NEK11: variants seen among roughly 807,000 people sequenced by gnomAD.
The protein encoded by NEK11 is NIMA related kinase 11.
In NEK11, 72 loss-of-function variants were observed where a neutral mutation model predicts 80.7. The ratio of observed to expected loss-of-function variants is 0.89; its 90% confidence interval spans 0.74 to 1.08. The LOEUF is 1.08. NEK11 is among the 50% of genes least tolerant of loss of function. The pLI, the probability that NEK11 is intolerant of heterozygous loss-of-function variation, is 0.00. For synonymous variants in NEK11, 251 were observed against 260.7 expected, an observed-to-expected ratio of 0.96 and a Z score of 0.36; for missense variants, 764 against 763.6, an observed-to-expected ratio of 1.00 and a Z score of -0.01.
chr3:131,169,824 T>G (rs1462291856), intron 13 of NEK11, among the ~76,000 whole-genome samples: 1 of 152,218 alleles, frequency 6.6e-6, no homozygotes. Flanking sequence ...TACATACTTA[T>G]TTTCAAATAA....
At chr3:131,075,409 CT>C (rs1001310645) in intron 3 of NEK11, among the ~76,000 whole-genome samples, 14 of 152,004 alleles carry the variant, frequency 9.2e-5, no homozygotes, top group African/African-American at 3.1e-4. Flanking sequence ...AACCTCTACT[CT>C]TTTTTTTCCC....
chr3:131,333,327 A>G (rs1267743862), intron 17 of NEK11, among the ~76,000 whole-genome samples: 1 of 152,212 alleles, frequency 6.6e-6, no homozygotes, highest in Admixed American at 6.5e-5. Context: ...ATTCTTAAAG[A>G]AAAGAATTTT....
At chr3:131,174,683 T>A (rs1220894162) in intron 14 of NEK11, 1 of 1,403,792 alleles carries the variant, frequency 7.1e-7, no homozygotes, top group Non-Finnish European at 9.8e-7. Context: ...ACTTCTTATA[T>A]GTAATGCTAA....
chr3:131,282,192 T>C (rs750876700), intron 17 of NEK11, among the ~76,000 whole-genome samples: 2 of 152,116 alleles, frequency 1.3e-5, no homozygotes, highest in Non-Finnish European at 2.9e-5. Flanking sequence ...ATCTCTAATA[T>C]CTAGGAGGAA....
chr3:131,346,797 G>A (rs1193328513), intron 17 of NEK11, among the ~76,000 whole-genome samples: 2 of 152,114 alleles, frequency 1.3e-5, no homozygotes, highest in East Asian at 1.9e-4. Flanking sequence ...TGATTAGAGA[G>A]TAGGAGGCTT....
rs144176995 is a variant in NEK11, at chr3:131,029,796, G to T, written c.88G>T (p.Val30Leu). Residue 30 changes from valine (V) to leucine (L), a missense_variant, in exon 3 of 18, where the codon GTG (valine) becomes TTG (leucine). Coordinates refer to ENST00000383366, the MANE Select transcript of NEK11 (RefSeq NM_024800.5). ...AAAGACCTTGATTGCAAGAAGATAC[G>T]TGCTTCAACAAAAACTTGGCAGTGG... is the stretch of plus-strand genomic sequence containing the variant. ...YPKTLIARRYVLQQKLGSGSF... is the reference protein window; with the variant it reads ...YPKTLIARRYLLQQKLGSGSF... The T allele has an allele frequency of 6.2e-7, 1 of 1,614,170 alleles. No individual in the cohort carries two copies. Among genetic ancestry groups the T allele is most frequent in the Non-Finnish European group, 8.5e-7 (1 of 1,179,988 alleles).
intron 14 of NEK11, among the ~76,000 whole-genome samples, chr3:131,192,765 G>A (rs535461467): frequency 6.6e-6 from 1 of 152,270 alleles, no homozygotes; most frequent in East Asian, 1.9e-4. Flanking sequence ...TAGAACTGTG[G>A]TTGTCAGGGT....
At chr3:131,052,879 A>G (rs1403090966) in intron 3 of NEK11, among the ~76,000 whole-genome samples, 1 of 152,196 alleles carries the variant, frequency 6.6e-6, no homozygotes, top group Non-Finnish European at 1.5e-5. Context: ...ACTGGGTTCC[A>G]CAACATTGAA....
At chr3:131,335,304 C>T (rs1307606222) in intron 17 of NEK11, among the ~76,000 whole-genome samples, 1 of 152,212 alleles carries the variant, frequency 6.6e-6, no homozygotes, top group Non-Finnish European at 1.5e-5. Flanking sequence ...GGATGCAAGG[C>T]TGGTTCAATA....
At chr3:131,348,548 A>G (rs753002565) in intron 17 of NEK11, among the ~76,000 whole-genome samples, 2 of 151,980 alleles carry the variant, frequency 1.3e-5, no homozygotes, top group African/African-American at 2.4e-5. Context: ...ACATTTAAAA[A>G]TAATAAAGGA....
chr3:131,096,966 A>G (rs1352394874), intron 4 of NEK11, among the ~76,000 whole-genome samples: 1 of 141,302 alleles, frequency 7.1e-6, no homozygotes, highest in African/African-American at 2.7e-5. Flanking sequence ...ATTCCCACCT[A>G]TGAGTGAGAA....
rs1378662819 is a variant in NEK11 at position 131,263,454 on chromosome 3, G to A, written c.1622-10024G>A. 8.5e-5 allele frequency among the ~76,000 whole-genome samples: 13 copies of A among 152,302 alleles called. 1 individual carries two copies. In the East Asian group the frequency reaches 2.5e-3, roughly 29 times the overall value. ...TCTGTTTTGGTACAAGTACCATGCTGTTTTGGTTACCGTAGCCTTGTAGTA... is the reference window on the plus strand; with the variant it reads ...TCTGTTTTGGTACAAGTACCATGCTATTTTGGTTACCGTAGCCTTGTAGTA... On this transcript the variant is annotated intron_variant, in intron 16 of 17. Coordinates refer to ENST00000383366, the MANE Select transcript of NEK11 (RefSeq NM_024800.5).
In NEK11 at chr3:131,152,523, T is replaced by A. The variant is rs775243170; in HGVS notation, c.783T>A (p.Asn261Lys). ...SLPERYPKEL[N>K]AIMESMLNKN... Reference sequence around the variant, plus strand: ...CTGAGAGATATCCAAAAGAACTAAATGCCATCATGGAAAGGTATAGAAATA... The same window carrying A: ...CTGAGAGATATCCAAAAGAACTAAAAGCCATCATGGAAAGGTATAGAAATA... The change falls in exon 8 of 18, where the codon AAT becomes AAA. Residue 261 changes from asparagine to lysine, a missense_variant. Coordinates refer to ENST00000383366, the MANE Select transcript of NEK11 (RefSeq NM_024800.5). 8 of 1,613,336 alleles carry A rather than the reference T, an allele frequency of 5.0e-6. No homozygotes were observed. The highest frequency in any genetic ancestry group is 6.8e-6 in the Non-Finnish European group (8 of 1,179,654).
chr3:131,101,688 G>A (rs2078387388), intron 4 of NEK11, among the ~76,000 whole-genome samples: 1 of 152,184 alleles, frequency 6.6e-6, no homozygotes, highest in Admixed American at 6.5e-5. Context: ...GAGAAGAGAA[G>A]CATATATATT....
At chr3:131,313,493 C>T (rs1368823970) in intron 17 of NEK11, among the ~76,000 whole-genome samples, 1 of 152,110 alleles carries the variant, frequency 6.6e-6, no homozygotes, top group Non-Finnish European at 1.5e-5. Flanking sequence ...TATTTTTTGA[C>T]TTTATAATCA....
chr3:131,256,157 G>C (rs116450050), intron 16 of NEK11, among the ~76,000 whole-genome samples: 5 of 152,144 alleles, frequency 3.3e-5, no homozygotes, highest in African/African-American at 1.2e-4. Context: ...TTGGGTGACC[G>C]TGGTTAGCAA....
At chr3:131,272,036 G>A (rs947961209) in intron 16 of NEK11, among the ~76,000 whole-genome samples, 2 of 151,938 alleles carry the variant, frequency 1.3e-5, no homozygotes, top group African/African-American at 4.8e-5. Context: ...GGAGGCAGAG[G>A]TTGCGGTGAG....
At chr3:131,339,928 C>G (rs1229574418) in intron 17 of NEK11, among the ~76,000 whole-genome samples, 3 of 152,116 alleles carry the variant, frequency 2.0e-5, no homozygotes, top group African/African-American at 4.8e-5. Context: ...GGATGGATGA[C>G]CAGAGGGTAA....
intron 12 of NEK11, among the ~76,000 whole-genome samples, chr3:131,166,260 C>T (rs2092221297): frequency 6.6e-6 from 1 of 152,194 alleles, no homozygotes. Flanking sequence ...GATTTTTATT[C>T]ACGGAGATCC....
Sources: gnomAD v4.1 joint callset for allele counts (sites outside exome capture counted in the v4.1 genomes callset) on GRCh38, gnomAD v4.1.1 for gene constraint, MANE v1.5 for transcripts, NCBI Gene and HGNC (gene_info 2026-07-23, HGNC 2026-07-21) for gene names.